Variants in GRID2 observed in about 807,000 individuals in gnomAD.
GRID2 encodes the protein glutamate receptor ionotropic, delta-2.
Under a neutral mutation model 114.8 loss-of-function variants are expected in GRID2, and 33 were observed. The observed-to-expected ratio is 0.29, with a 90% confidence interval of 0.22 to 0.38. The LOEUF is 0.38. Among genes scored for constraint, GRID2 ranks in the 10% least tolerant of loss-of-function variants. The probability of loss-of-function intolerance (pLI) is 1.00; values close to 1 mark genes in which losing one functional copy is unlikely to be tolerated. For missense variants in GRID2, 1,184 were observed against 1,257.7 expected (o/e 0.94, Z 0.89); for synonymous variants, 505 against 449.9 (o/e 1.12, Z -1.55).
chr4:92,964,224 G>C (rs993933603), intron 2 of GRID2, among the ~76,000 whole-genome samples: 1 of 151,992 alleles, frequency 6.6e-6, no homozygotes, highest in Non-Finnish European at 1.5e-5. Flanking sequence ...GAGTCAGTCT[G>C]TCCTTTGAAG....
At chr4:92,943,950 G>A (rs1751387824) in intron 2 of GRID2, among the ~76,000 whole-genome samples, 1 of 152,272 alleles carries the variant, frequency 6.6e-6, no homozygotes, top group African/African-American at 2.4e-5. Context: ...TGGAAGTTTT[G>A]TCTCAGAGGG....
chr4:92,536,718 T>C (rs1725653346), intron 1 of GRID2, among the ~76,000 whole-genome samples: 1 of 152,208 alleles, frequency 6.6e-6, no homozygotes, highest in Non-Finnish European at 1.5e-5. Flanking sequence ...TTTTTTCTCT[T>C]ATATGCCTCT....
chr4:93,242,395 G>A (rs1747636477), intron 8 of GRID2, among the ~76,000 whole-genome samples: 1 of 152,026 alleles, frequency 6.6e-6, no homozygotes, highest in Non-Finnish European at 1.5e-5. Context: ...TGTTTGTCCA[G>A]CAGCATTGAG....
At chr4:92,402,130 G>T (rs569243389) in intron 1 of GRID2, among the ~76,000 whole-genome samples, 1 of 152,130 alleles carries the variant, frequency 6.6e-6, no homozygotes, top group Non-Finnish European at 1.5e-5. Context: ...TAGTAAGATT[G>T]CAGAACTCCA....
chr4:93,174,096 C>T (rs147109115), intron 4 of GRID2, among the ~76,000 whole-genome samples: 37 of 152,236 alleles, frequency 2.4e-4, no homozygotes, highest in African/African-American at 8.2e-4. Flanking sequence ...TATAATCCAT[C>T]GAGCTTATTC....
At chr4:93,073,976 A>G (rs1729043792) in intron 2 of GRID2, among the ~76,000 whole-genome samples, 1 of 152,240 alleles carries the variant, frequency 6.6e-6, no homozygotes, top group East Asian at 1.9e-4. Context: ...CCACAGGGGA[A>G]GGACCCAAGA....
At chr4:93,290,982 A>T (rs1326658158) in intron 8 of GRID2, among the ~76,000 whole-genome samples, 1 of 138,106 alleles carries the variant, frequency 7.2e-6, no homozygotes, top group East Asian at 2.2e-4. Context: ...GGTTCACGCC[A>T]TTCTCCTGCC....
intron 1 of GRID2, among the ~76,000 whole-genome samples, chr4:92,530,075 A>G (rs1725254358): frequency 6.6e-6 from 1 of 151,796 alleles, no homozygotes; most frequent in Admixed American, 6.6e-5. Context: ...AAATAAGAAG[A>G]TCAAGCATTT....
At chr4:93,413,246 T>A (rs1032388118) in intron 9 of GRID2, among the ~76,000 whole-genome samples, 2 of 152,214 alleles carry the variant, frequency 1.3e-5, no homozygotes, top group Non-Finnish European at 2.9e-5. Context: ...CTTCACAGCC[T>A]TGCCAGCATC....
chr4:93,665,015 A>G (rs1340862462), intron 14 of GRID2, among the ~76,000 whole-genome samples: 3 of 152,198 alleles, frequency 2.0e-5, no homozygotes, highest in Non-Finnish European at 4.4e-5. Flanking sequence ...AATTACTTTT[A>G]GGAAAATTTC....
chr4:93,486,731 G>A (rs145347128), intron 11 of GRID2, among the ~76,000 whole-genome samples: 144 of 151,644 alleles, frequency 9.5e-4, no homozygotes, highest in African/African-American at 1.9e-3. Flanking sequence ...GCAGTTCTCC[G>A]TTTGCTAATT....
chr4:93,711,087 A>G (rs957722484), intron 14 of GRID2, among the ~76,000 whole-genome samples: 6 of 152,158 alleles, frequency 3.9e-5, no homozygotes, highest in African/African-American at 1.4e-4. Flanking sequence ...ATGGTGCCCA[A>G]GTTGCAAGAC....
intron 1 of GRID2, among the ~76,000 whole-genome samples, chr4:92,447,210 G>T (rs1733515056): frequency 6.6e-6 from 1 of 152,064 alleles, no homozygotes; most frequent in African/African-American, 2.4e-5. Flanking sequence ...ATTACCTCAA[G>T]ACCTCAAAAA....
intron 2 of GRID2, among the ~76,000 whole-genome samples, chr4:92,987,708 A>G (rs1305168606): frequency 6.6e-6 from 1 of 152,126 alleles, no homozygotes; most frequent in Non-Finnish European, 1.5e-5. Flanking sequence ...TTTTTGAAAT[A>G]TTTTATTGAA....
intron 2 of GRID2, among the ~76,000 whole-genome samples, chr4:93,006,897 A>G (rs1721594358): frequency 6.6e-6 from 1 of 152,020 alleles, no homozygotes; most frequent in African/African-American, 2.4e-5. Context: ...AAGTAAGTAA[A>G]AAAACAGCAA....
At chr4:93,448,130 T>C (rs1355915891) in intron 10 of GRID2, among the ~76,000 whole-genome samples, 4 of 151,638 alleles carry the variant, frequency 2.6e-5, no homozygotes, top group Non-Finnish European at 5.9e-5. Context: ...AATGAAAGAA[T>C]GGTATTAAAA....
chr4:93,788,210 C>T (rs1158411789), intron 1 of GRID2, among the ~76,000 whole-genome samples: 12 of 151,660 alleles, frequency 7.9e-5, no homozygotes, highest in African/African-American at 2.4e-4. Context: ...CCCAGCTACT[C>T]GGGAGGCTGA....
chr4:93,470,864 C>T (rs1724735776), intron 11 of GRID2, among the ~76,000 whole-genome samples: 1 of 151,860 alleles, frequency 6.6e-6, no homozygotes, highest in African/African-American at 2.4e-5. Flanking sequence ...TATTAAGAGC[C>T]ATTTTCATAT....
chr4:93,414,088 C>A (rs78154009), intron 9 of GRID2, among the ~76,000 whole-genome samples: 12,450 of 152,162 alleles, frequency 0.082, 669 homozygotes, highest in African/African-American at 0.15. Flanking sequence ...TGTTGCATCA[C>A]TTCTCACTAA....
Sources: gnomAD v4.1 joint callset for allele counts (sites outside exome capture counted in the v4.1 genomes callset) on GRCh38, gnomAD v4.1.1 for gene constraint, MANE v1.5 for transcripts, NCBI Gene and HGNC (gene_info 2026-07-23, HGNC 2026-07-21) for gene names.